FUNDC1: variants seen among roughly 807,000 people sequenced by gnomAD.
FUNDC1 encodes FUN14 domain containing 1.
FUNDC1 carries 10 observed loss-of-function variants against 14.5 expected under a neutral mutation model. That is an observed-to-expected ratio of 0.69 (90% CI 0.43 to 1.17). The LOEUF is 1.17. Among genes scored for constraint, FUNDC1 ranks in the 50% most tolerant of loss-of-function variants. The pLI is 0.00. For synonymous variants in FUNDC1, 33 were observed against 39.7 expected (o/e 0.83, Z 0.64); for missense variants, 115 against 113.8 (o/e 1.01, Z -0.05).
At chrX:44,532,559 T>A (rs12011885) in intron 3 of FUNDC1, among the ~76,000 whole-genome samples, 18,328 of 103,413 alleles carry the variant, frequency 0.18, 2,744 homozygotes, top group African/African-American at 0.49. Context: ...ATATATATAT[T>A]TTTTTTTTTT....
intron 3 of FUNDC1, among the ~76,000 whole-genome samples, chrX:44,533,096 C>A (rs2038932808): frequency 8.9e-6 from 1 of 112,007 alleles, no homozygotes; most frequent in Admixed American, 9.5e-5. Context: ...CTGCCACTTT[C>A]TAAGAAGCTT....
At chrX:44,531,462 T>C (rs979913443) in intron 3 of FUNDC1, among the ~76,000 whole-genome samples, 6 of 108,338 alleles carry the variant, frequency 5.5e-5, no homozygotes, top group East Asian at 3.0e-4. Flanking sequence ...GCTGATCTAA[T>C]TGGGCTGTTT....
At chrX:44,532,395 GA>G (rs746125483) in intron 3 of FUNDC1, among the ~76,000 whole-genome samples, 107 of 39,426 alleles carry the variant, frequency 2.7e-3, no homozygotes, top group African/African-American at 4.5e-3. Context: ...CTCTGTCTCA[GA>G]AAAAAAAAAA....
At chrX:44,537,352 G>A (rs180729492) in intron 3 of FUNDC1, among the ~76,000 whole-genome samples, 1 of 111,816 alleles carries the variant, frequency 8.9e-6, no homozygotes, top group African/African-American at 3.2e-5. Flanking sequence ...TGACAACTGA[G>A]TCTTCAAAAT....
At position 44,527,153 on chromosome X, in the gene FUNDC1, C is replaced by T. The variant is rs1293756154; in HGVS notation, c.390+84G>A. 4.3e-6 allele frequency: 3 copies of T among 700,440 alleles called. No individual in the cohort carries two copies. The East Asian group carries it at 1.1e-4, about 25-fold the overall frequency. 57.7% of individuals were successfully genotyped at this position (700,440 alleles called of 1,213,427 possible). On this transcript the variant is annotated intron_variant, in intron 4 of 4. Transcript: ENST00000378045. ...ATTTTTAAAAAAGACAGTAATCCCC[C>T]CCGGTCACATTTTCTGCTAAGGGAT...
chrX:44,539,248 C>T (rs1390904599), intron 2 of FUNDC1, among the ~76,000 whole-genome samples: 1 of 111,022 alleles, frequency 9.0e-6, no homozygotes, highest in Non-Finnish European at 1.9e-5. Context: ...ATTCCAGATC[C>T]ACACTGTGCA....
intron 3 of FUNDC1, among the ~76,000 whole-genome samples, chrX:44,530,618 A>G (rs2038918520): frequency 9.2e-6 from 1 of 108,483 alleles, no homozygotes; most frequent in Admixed American, 1.0e-4. Context: ...AATAATAATA[A>G]TAATGATGAC....
chrX:44,541,013 A>G (rs988669643), intron 2 of FUNDC1, among the ~76,000 whole-genome samples: 1 of 112,430 alleles, frequency 8.9e-6, no homozygotes, highest in Non-Finnish European at 1.9e-5. Flanking sequence ...AAAAAAAGGC[A>G]TAGAAGAGTG....
intron 4 of FUNDC1, among the ~76,000 whole-genome samples, chrX:44,526,573 T>G (rs926076088): frequency 1.8e-5 from 2 of 110,929 alleles, no homozygotes; most frequent in African/African-American, 3.3e-5. Flanking sequence ...TGAAAAGTTA[T>G]GACATCTTAA....
chrX:44,531,270 AC>A (rs773464429), intron 3 of FUNDC1, among the ~76,000 whole-genome samples: 13,345 of 76,488 alleles, frequency 0.17, 2,349 homozygotes, highest in African/African-American at 0.59. Context: ...ACACACACAC[AC>A]ACACACACAC....
At chrX:44,532,256 A>G (rs1049489858) in intron 3 of FUNDC1, among the ~76,000 whole-genome samples, 1 of 109,313 alleles carries the variant, frequency 9.1e-6, no homozygotes, top group African/African-American at 3.3e-5. Context: ...TTAGCCAGAC[A>G]GTGGTGTGCG....
At chrX:44,535,775 C>T (rs1309663344) in intron 3 of FUNDC1, among the ~76,000 whole-genome samples, 17 of 104,715 alleles carry the variant, frequency 1.6e-4, no homozygotes, top group African/African-American at 5.6e-4. Flanking sequence ...CGCCTGAGGT[C>T]AGGAGTTCGA....
chrX:44,524,315 A>G, intron 4 of FUNDC1, 40 bp from the exon 5 acceptor site: 2 of 904,240 alleles, frequency 2.2e-6, no homozygotes, highest in Non-Finnish European at 3.2e-6. Context: ...TAATTATGCT[A>G]CAACAGGGAT....
chrX:44,541,132 A>C (rs1480406065), intron 2 of FUNDC1, among the ~76,000 whole-genome samples: 2 of 112,768 alleles, frequency 1.8e-5, no homozygotes, highest in African/African-American at 6.4e-5. Flanking sequence ...GATGAATTTA[A>C]ATAAGAATCT....
chrX:44,533,969 G>A (rs1219496661), intron 3 of FUNDC1, among the ~76,000 whole-genome samples: 3 of 108,102 alleles, frequency 2.8e-5, no homozygotes, highest in Admixed American at 1.0e-4. Context: ...GGAGGCTGGC[G>A]TGAAGAAATC....
In FUNDC1 at chrX:44,526,133, A is replaced by C. The variant is rs757702550; in HGVS notation, c.390+1104T>G. Among the ~76,000 whole-genome samples, 10 of 101,080 alleles carry C rather than the reference A, an allele frequency of 9.9e-5. No homozygotes were observed. The East Asian group carries it at 1.5e-3, about 15-fold the overall frequency. 87.8% of individuals were successfully genotyped at this position (101,080 alleles called of 115,157 possible). ...GTCTCAAAAAAAACAAAAAAAAAAA[A>C]CAAAAAAAAACAGTTGGCCGGGCCT... On this transcript the variant is annotated intron_variant, in intron 4 of 4. Transcript: ENST00000378045.
At chrX:44,542,681 G>T in intron 1 of FUNDC1, 124 bp downstream of exon 1, 1 of 683,756 alleles carries the variant, frequency 1.5e-6, no homozygotes, top group Non-Finnish European at 2.2e-6. Flanking sequence ...GCTCGAAGGG[G>T]CTGCCTTAAA....
intron 3 of FUNDC1, among the ~76,000 whole-genome samples, chrX:44,529,812 A>G (rs1390609118): frequency 9.0e-6 from 1 of 111,512 alleles, no homozygotes; most frequent in Non-Finnish European, 1.9e-5. Context: ...TGCAGGAAAA[A>G]TGAAAAACCT....
intron 3 of FUNDC1, among the ~76,000 whole-genome samples, chrX:44,531,054 C>CTA (rs2147472633): frequency 9.1e-6 from 1 of 110,298 alleles, no homozygotes; most frequent in East Asian, 2.9e-4. Context: ...CCAGCCTGGG[C>CTA]TATACGGCGA....
Sources: allele counts gnomAD v4.1 joint callset (sites outside exome capture counted in the v4.1 genomes callset), GRCh38; gene constraint gnomAD v4.1.1; transcripts MANE v1.5; gene names NCBI Gene and HGNC (gene_info 2026-07-23, HGNC 2026-07-21).